The following TSPAN7 variants were observed in gnomAD, a reference collection of about 807,000 sequenced individuals.
TSPAN7 encodes the protein tetraspanin-7.
TSPAN7 carries 1 observed loss-of-function variant against 17.6 expected under a neutral mutation model. The observed-to-expected ratio is 0.06, with a 90% CI of 0.02 to 0.27. The LOEUF (loss-of-function observed/expected upper bound fraction) is 0.27. Among genes scored for constraint, TSPAN7 ranks in the 10% least tolerant of loss-of-function variants. TSPAN7 has a pLI of 1.00. For synonymous variants in TSPAN7, 78 were observed against 79.0 expected (o/e 0.99, Z 0.07); for missense variants, 112 against 201.7 (o/e 0.56, Z 2.69).
At chrX:38,628,413 G>C (rs1270811205) in intron 1 of TSPAN7, among the ~76,000 whole-genome samples, 1 of 111,268 alleles carries the variant, frequency 9.0e-6, no homozygotes, top group Non-Finnish European at 1.9e-5. Context: ...AAAATAAAAA[G>C]AGAAAAAAAC....
chrX:38,569,139 G>A (rs1482777544), intron 1 of TSPAN7, among the ~76,000 whole-genome samples: 1 of 110,912 alleles, frequency 9.0e-6, no homozygotes, highest in Non-Finnish European at 1.9e-5. Context: ...GGGGCACTAC[G>A]AAGCTGATTG....
At chrX:38,648,436 A>G (rs2069657080) in intron 1 of TSPAN7, among the ~76,000 whole-genome samples, 1 of 111,799 alleles carries the variant, frequency 8.9e-6, no homozygotes, top group African/African-American at 3.2e-5. Context: ...GCTGTAGCTT[A>G]GTTGAGCCAT....
chrX:38,566,151 A>C (rs1277558358), intron 1 of TSPAN7, among the ~76,000 whole-genome samples: 2 of 112,354 alleles, frequency 1.8e-5, no homozygotes, highest in African/African-American at 6.5e-5. Flanking sequence ...CGTGAGAAGA[A>C]AAACATTCTC....
chrX:38,622,587 A>G (rs1372805753), intron 1 of TSPAN7, among the ~76,000 whole-genome samples: 1 of 112,284 alleles, frequency 8.9e-6, no homozygotes, highest in Non-Finnish European at 1.9e-5. Flanking sequence ...AAAGAAAAGA[A>G]GCTGTAACTT....
At chrX:38,669,969 G>A (rs1370280452) in intron 2 of TSPAN7, among the ~76,000 whole-genome samples, 2 of 112,040 alleles carry the variant, frequency 1.8e-5, no homozygotes, top group African/African-American at 6.5e-5. Flanking sequence ...TATGAAGTTG[G>A]GAAAGAAGTC....
intron 1 of TSPAN7, among the ~76,000 whole-genome samples, chrX:38,566,061 A>G (rs2069141904): frequency 8.9e-6 from 1 of 112,398 alleles, no homozygotes; most frequent in Non-Finnish European, 1.9e-5. Context: ...AGTCCTGTGA[A>G]GAAAAAATGG....
At chrX:38,636,436 G>T (rs1395016318) in intron 1 of TSPAN7, among the ~76,000 whole-genome samples, 2 of 112,141 alleles carry the variant, frequency 1.8e-5, no homozygotes, top group East Asian at 2.8e-4. Flanking sequence ...GGATCAGTGA[G>T]ACTGCTAAGC....
intron 6 of TSPAN7, among the ~76,000 whole-genome samples, chrX:38,682,676 G>T (rs2069900397): frequency 8.9e-6 from 1 of 112,346 alleles, no homozygotes; most frequent in Non-Finnish European, 1.9e-5. Context: ...AGCTCATGAA[G>T]TGAATTAAAC....
At chrX:38,659,520 C>G (rs1297839346) in intron 1 of TSPAN7, among the ~76,000 whole-genome samples, 1 of 111,987 alleles carries the variant, frequency 8.9e-6, no homozygotes, top group Non-Finnish European at 1.9e-5. Flanking sequence ...GGTTTCTCTA[C>G]TTCCTGATTT....
At chrX:38,687,547 G>T (rs941443169) in intron 6 of TSPAN7, 52 bp from the exon 7 acceptor site, 2 of 1,073,111 alleles carry the variant, frequency 1.9e-6, no homozygotes, top group East Asian at 6.1e-5. Context: ...TATTAAAAGG[G>T]TGTGGTTCGG....
At chrX:38,601,853 G>C (rs1187151021) in intron 1 of TSPAN7, among the ~76,000 whole-genome samples, 5 of 111,500 alleles carry the variant, frequency 4.5e-5, no homozygotes, top group Non-Finnish European at 9.4e-5. Context: ...CCTTAGCTGG[G>C]GTGGCACACT....
intron 1 of TSPAN7, among the ~76,000 whole-genome samples, chrX:38,597,369 T>C (rs1439271844): frequency 9.0e-6 from 1 of 111,207 alleles, no homozygotes; most frequent in Non-Finnish European, 1.9e-5. Flanking sequence ...TTGTGCTTTA[T>C]GTTGTTGATT....
At chrX:38,666,790 CG>C (rs1257150057) in intron 2 of TSPAN7, among the ~76,000 whole-genome samples, 8 of 109,948 alleles carry the variant, frequency 7.3e-5, no homozygotes, top group African/African-American at 1.7e-4. Context: ...TTAGTAGAGA[CG>C]GGGTTTCACC....
intron 1 of TSPAN7, among the ~76,000 whole-genome samples, chrX:38,562,473 A>C (rs2147390785): frequency 9.4e-6 from 1 of 106,949 alleles, no homozygotes; most frequent in African/African-American, 3.4e-5. Context: ...CTCAATGCAG[A>C]AGGGTGACGT....
In TSPAN7 at chrX:38,617,638, T is replaced by C. The variant is rs192316002; in HGVS notation, c.82-48483T>C. On this transcript the variant is annotated intron_variant, in intron 1 of 7. Coordinates refer to ENST00000378482, the MANE Select transcript of TSPAN7 (RefSeq NM_004615.4). ...AGGTCTCATGTTGTACTTAGAAATCTGCATTTTGAACAGACTCCCAAAGCA... is the reference window on the plus strand; with the variant it reads ...AGGTCTCATGTTGTACTTAGAAATCCGCATTTTGAACAGACTCCCAAAGCA... Among the ~76,000 whole-genome samples the C allele has an allele frequency of 5.3e-5, 6 of 112,432 alleles. No homozygotes were observed. The East Asian group carries it at 1.7e-3, about 31-fold the overall frequency.
chrX:38,656,903 T>C (rs1241292939), intron 1 of TSPAN7, among the ~76,000 whole-genome samples: 1 of 112,192 alleles, frequency 8.9e-6, no homozygotes, highest in Non-Finnish European at 1.9e-5. Flanking sequence ...GAAAAAATAA[T>C]GCCAAGAGGC....
chrX:38,582,384 T>G (rs1006230446), intron 1 of TSPAN7, among the ~76,000 whole-genome samples: 7 of 112,186 alleles, frequency 6.2e-5, no homozygotes, highest in African/African-American at 2.3e-4. Flanking sequence ...TGTATTCTAC[T>G]TCTATTACTA....
intron 1 of TSPAN7, among the ~76,000 whole-genome samples, chrX:38,587,031 C>A (rs1034831219): frequency 8.9e-6 from 1 of 112,205 alleles, no homozygotes; most frequent in African/African-American, 3.2e-5. Context: ...TTTTCCCTTC[C>A]CCACAGGGGA....
At chrX:38,605,487 A>G (rs1171703413) in intron 1 of TSPAN7, among the ~76,000 whole-genome samples, 6 of 110,018 alleles carry the variant, frequency 5.5e-5, no homozygotes, top group Non-Finnish European at 1.1e-4. Flanking sequence ...CATACTGCCC[A>G]AGGTAATTTA....
Sources: gnomAD v4.1 joint callset for allele counts (sites outside exome capture counted in the v4.1 genomes callset) on GRCh38, gnomAD v4.1.1 for gene constraint, MANE v1.5 for transcripts, NCBI Gene and HGNC (gene_info 2026-07-23, HGNC 2026-07-21) for gene names.